The following TKFC variants were observed in gnomAD, a reference collection of about 807,000 sequenced individuals.
TKFC encodes the protein triokinase/FMN cyclase.
TKFC carries 46 observed loss-of-function variants against 61.0 expected under a neutral mutation model. That is an observed-to-expected ratio of 0.75 (90% CI 0.60 to 0.96). TKFC has a LOEUF of 0.96. Ranked by LOEUF, TKFC falls within the 50% of genes least tolerant of loss-of-function variation. The pLI is 0.00. For synonymous variants in TKFC, 314 were observed against 330.1 expected (o/e 0.95, Z 0.53); for missense variants, 715 against 777.5 (o/e 0.92, Z 0.96).
At chr11:61,349,819 G>A, downstream of TKFC, 3 of 602,898 alleles carry the variant, frequency 5.0e-6, no homozygotes, top group East Asian at 2.8e-5. Context: ...GGGCTGGATG[G>A]CAGAGCAGAT....
chr11:61,352,137 C>T (rs1480076321), downstream of TKFC: 3 of 152,210 alleles, frequency 2.0e-5, no homozygotes, highest in African/African-American at 7.2e-5. Flanking sequence ...AAACCAAGGT[C>T]TGACCTTAAG....
chr11:61,349,188 A>G lies in TKFC; in HGVS notation c.*2685A>G, dbSNP rs560590989. The G allele has an allele frequency of 1.9e-4, 47 of 243,506 alleles. No individual in the cohort carries two copies. In the South Asian group the frequency reaches 2.7e-3, roughly 14 times the overall value. The allele number at this position is 243,506 out of a possible 1,614,324, so 15.1% of individuals were successfully genotyped here. On this transcript the variant is annotated 3_prime_UTR_variant, in exon 18 of 18. Coordinates refer to ENST00000394900, the MANE Select transcript of TKFC (RefSeq NM_015533.4). The stretch of plus-strand genomic sequence containing the variant: ...CAAGACCCTTCCCGCTCTCCACCCT[A>G]TTTCCTCCCCTGAAGAAGAGCAACA...
rs1293064152 is a variant in TKFC, at chr11:61,341,916, A to G, written c.655+4A>G. 9.9e-6 allele frequency: 16 copies of G among 1,610,590 alleles called. No homozygotes were observed. Among genetic ancestry groups the G allele is most frequent in the Non-Finnish European group, 1.3e-5 (15 of 1,178,170 alleles). Reference sequence around the variant, plus strand: ...GACGAGGTGGAGCTGGGCCTGGGTAAGCTTGTGGCCATCCATCCCAGCCCT... The same window carrying G: ...GACGAGGTGGAGCTGGGCCTGGGTAGGCTTGTGGCCATCCATCCCAGCCCT... On this transcript the variant is annotated splice_donor_region_variant and intron_variant, in intron 7 of 17. Transcript: ENST00000394900.
Position 61,338,328 on chromosome 11 carries a change from C to T in TKFC, c.193+198C>T, listed in dbSNP as rs555353168. Among the ~76,000 whole-genome samples, 11 of 152,330 alleles carry T rather than the reference C, an allele frequency of 7.2e-5. No homozygotes were observed. In the East Asian group the frequency reaches 1.9e-3, roughly 27 times the overall value. On this transcript the variant is annotated intron_variant, in intron 3 of 17. Transcript: ENST00000394900. ...TGAATCTGTTTCTACATCTACAAAT[C>T]TACGAAGTTGGGCCAAACAATCTCT... is the stretch of plus-strand genomic sequence containing the variant.
At chr11:61,338,415 C>T (rs1856706711) in intron 3 of TKFC, among the ~76,000 whole-genome samples, 1 of 152,206 alleles carries the variant, frequency 6.6e-6, no homozygotes, top group Non-Finnish European at 1.5e-5. Flanking sequence ...CCAAGCCCAG[C>T]AGACCCACCC....
chr11:61,350,919 C>T (rs1236224922), downstream of TKFC: 5 of 1,527,738 alleles, frequency 3.3e-6, no homozygotes, highest in Admixed American at 8.4e-5. Flanking sequence ...GTCAAGGCCC[C>T]AGCCTTTCGT....
chr11:61,336,407 A>T lies in TKFC; in HGVS notation c.4-1534A>T, dbSNP rs530763301. On this transcript the variant is annotated intron_variant, in intron 2 of 17. Coordinates refer to ENST00000394900, the MANE Select transcript of TKFC (RefSeq NM_015533.4). The stretch of plus-strand genomic sequence containing the variant: ...GGCCACCAGGTGGCGGTGGGAGCCC[A>T]GCCCTCTGAGTCCACGTTGGGCCCC... 79 of 153,432 alleles carry T rather than the reference A, an allele frequency of 5.1e-4. 1 individual carries two copies. The highest frequency in any genetic ancestry group is 1.8e-3 in the African/African-American group (76 of 41,606). 9.5% of individuals were successfully genotyped at this position (153,432 alleles called of 1,614,324 possible). A position where few individuals can be genotyped will look rare whatever the true frequency, so the allele number is the denominator to read the frequency against.
chr11:61,353,223 C>G (rs1024927467), downstream of TKFC: 2 of 1,472,384 alleles, frequency 1.4e-6, no homozygotes, highest in Non-Finnish European at 1.8e-6. Context: ...CTCCCCATCT[C>G]TGCTCCCTGG....
At position 61,346,041 on chromosome 11, in the gene TKFC, G is replaced by A. The variant is rs979128293; in HGVS notation, c.1575+95G>A. The A allele has an allele frequency of 4.5e-6, 6 of 1,347,032 alleles. No individual in the cohort carries two copies. In the East Asian group the frequency reaches 1.2e-4, roughly 26 times the overall value. 83.4% of individuals were successfully genotyped at this position (1,347,032 alleles called of 1,614,324 possible). A position where few individuals can be genotyped will look rare whatever the true frequency, so the allele number is the denominator to read the frequency against. ...CCCTGAGCAAGTTAATAACCTTCCT[G>A]GACCGCAGTTTCCTTCTCTGTACAA... On this transcript the variant is annotated intron_variant, in intron 17 of 17. Coordinates refer to ENST00000394900, the MANE Select transcript of TKFC (RefSeq NM_015533.4). This position sits in a 1 kb window ranked among gnomAD's most constrained non-coding sequence, Gnocchi z 4.1.
At chr11:61,342,355 C>A in intron 7 of TKFC, 106 bp from the exon 8 acceptor site, 1 of 1,439,330 alleles carries the variant, frequency 6.9e-7, no homozygotes, top group Non-Finnish European at 9.8e-7. Flanking sequence ...ATCCCCCACT[C>A]CCGCCCACTT....
chr11:61,351,377 C>T, downstream of TKFC: 1 of 352,656 alleles, frequency 2.8e-6, no homozygotes, highest in East Asian at 6.0e-5. Flanking sequence ...GCAAGCTCCG[C>T]CTCCTGGGTT....
In TKFC at chr11:61,346,639, A is replaced by T; in HGVS notation, c.*136A>T. 1 of 1,472,420 alleles carries T rather than the reference A, an allele frequency of 6.8e-7. No individual in the cohort carries two copies. Among genetic ancestry groups the T allele is most frequent in the South Asian group, 1.4e-5 (1 of 71,388 alleles). 91.2% of individuals were successfully genotyped at this position (1,472,420 alleles called of 1,614,324 possible). A position where few individuals can be genotyped will look rare whatever the true frequency, so the allele number is the denominator to read the frequency against. ...GGCCCACCCTCTAAGTTGAGCAGGA[A>T]ATCCTCCACCAAGCTTCCAGAACTA... On this transcript the variant is annotated 3_prime_UTR_variant, in exon 18 of 18. Coordinates refer to ENST00000394900, the MANE Select transcript of TKFC (RefSeq NM_015533.4). This position sits in a 1 kb window ranked among gnomAD's most constrained non-coding sequence, Gnocchi z 4.1.
At position 61,334,610 on chromosome 11, in the gene TKFC, A is replaced by G; in HGVS notation, c.-109-10A>G. On this transcript the variant is annotated splice_polypyrimidine_tract_variant and intron_variant, in intron 1 of 17. Coordinates refer to ENST00000394900, the MANE Select transcript of TKFC (RefSeq NM_015533.4). ...CCTTCCGCAGCTTGTATCGTTACCC[A>G]CTCCTGCAGGTGCTGCTGCTGCCTC... is the stretch of plus-strand genomic sequence containing the variant. 1 of 1,346,672 alleles carries G rather than the reference A, an allele frequency of 7.4e-7. No homozygotes were observed. The highest frequency in any genetic ancestry group is 1.2e-5 in the South Asian group (1 of 82,452). The allele number at this position is 1,346,672 out of a possible 1,614,324, so 83.4% of individuals were successfully genotyped here.
chr11:61,349,653 G>A, downstream of TKFC: 1 of 702,862 alleles, frequency 1.4e-6, no homozygotes, highest in South Asian at 1.5e-5. Context: ...GCTGGAAGAG[G>A]TGGAGCCGCA....
At chr11:61,349,328 T>C (rs1160897710), downstream of TKFC, 3 of 534,176 alleles carry the variant, frequency 5.6e-6, no homozygotes, top group African/African-American at 5.7e-5. Flanking sequence ...TGGCAGTGGC[T>C]CCCAGGGCTG....
In TKFC at chr11:61,341,831, G is replaced by T; in HGVS notation, c.574G>T (p.Gly192Trp). The T allele has an allele frequency of 6.2e-7, 1 of 1,613,924 alleles. No homozygotes were observed. The highest frequency in any genetic ancestry group is 8.5e-7 in the Non-Finnish European group (1 of 1,179,882). The stretch of plus-strand genomic sequence containing the variant: ...TGCCTTGTTTCTCATAGGTACCCTG[G>T]GGGTGAGCTTATCCTCCTGCAGCGT... Reference protein sequence around the residue: ...NVVAKAMGTLGVSLSSCSVPG... With the variant: ...NVVAKAMGTLWVSLSSCSVPG... The change falls in exon 7 of 18, where the codon GGG (glycine) becomes TGG (tryptophan). Residue 192 changes from glycine (G) to tryptophan (W), a missense_variant. Coordinates refer to ENST00000394900, the MANE Select transcript of TKFC (RefSeq NM_015533.4).
downstream of TKFC, chr11:61,350,021 C>T (rs1379782654): frequency 1.9e-5 from 9 of 478,698 alleles, no homozygotes; most frequent in Non-Finnish European, 3.1e-5. Context: ...GCGGCCAGAG[C>T]GAGGAGGACC....
At chr11:61,337,915 A>G (rs759156289) in intron 2 of TKFC, 26 bp from the exon 3 acceptor site, 1 of 1,580,698 alleles carries the variant, frequency 6.3e-7, no homozygotes, top group Non-Finnish European at 8.6e-7. Flanking sequence ...CCACATTCTG[A>G]CCTCCTTCTC....
At chr11:61,351,855 A>G (rs1857425035), downstream of TKFC, 1 of 152,182 alleles carries the variant, frequency 6.6e-6, no homozygotes, top group Non-Finnish European at 1.5e-5. Context: ...TTGATGCTGC[A>G]GTGAGCTATG....
Sources: allele counts gnomAD v4.1 joint callset (sites outside exome capture counted in the v4.1 genomes callset), GRCh38; gene constraint gnomAD v4.1.1; non-coding constraint Gnocchi (gnomAD v3.1); transcripts MANE v1.5; gene names NCBI Gene and HGNC (gene_info 2026-07-23, HGNC 2026-07-21).